Variants in NLRX1 observed in about 807,000 individuals in gnomAD.
The protein encoded by NLRX1 is NLR family member X1.
Under a neutral mutation model 74.2 loss-of-function variants are expected in NLRX1, and 67 were observed. The observed-to-expected ratio is 0.90, with a 90% CI of 0.74 to 1.11. The LOEUF (loss-of-function observed/expected upper bound fraction) is 1.11, where lower values mean the gene tolerates loss of function less well. NLRX1 is among the 50% of genes least tolerant of loss of function. The pLI, the probability that NLRX1 is intolerant of heterozygous loss-of-function variation, is 0.00. For missense variants in NLRX1, 1,191 were observed against 1,305.4 expected, an observed-to-expected ratio of 0.91 and a Z score of 1.35; for synonymous variants, 506 against 559.1, an observed-to-expected ratio of 0.91 and a Z score of 1.34.
intron 1 of NLRX1, among the ~76,000 whole-genome samples, chr11:119,170,638 G>A (rs565987698): frequency 6.6e-6 from 1 of 152,198 alleles, no homozygotes; most frequent in Non-Finnish European, 1.5e-5. Context: ...TTAAAACTCA[G>A]CTAAAAGGAT....
chr11:119,178,290 C>CCTG (rs1266972177), intron 6 of NLRX1, among the ~76,000 whole-genome samples: 1 of 152,180 alleles, frequency 6.6e-6, no homozygotes, highest in African/African-American at 2.4e-5. Context: ...AGAACCATTG[C>CCTG]AGGAATGGGG....
rs574477974 is a variant in NLRX1, at chr11:119,175,185, C to T, written c.1582C>T (p.Arg528Cys). 136 of 1,614,176 alleles carry T rather than the reference C, an allele frequency of 8.4e-5. No homozygotes were observed. In the South Asian group the frequency reaches 1.4e-3, roughly 16 times the overall value. The part of the protein sequence containing the change: ...VGKEVAELVG[R>C]VGEDVSLVLG... ...CAAGGAAGTGGCTGAGCTCGTGGGC[C>T]GTGTTGGGGAGGACGTCAGCCTGGT... Residue 528 changes from arginine (R) to cysteine (C), a missense_variant, in exon 6 of 10, where the codon CGT (arginine) becomes TGT (cysteine). Coordinates refer to ENST00000409109, the MANE Select transcript of NLRX1 (RefSeq NM_001282144.2).
In NLRX1 at chr11:119,173,975, T is replaced by G. The variant is rs1300269170; in HGVS notation, c.726T>G (p.His242Gln). Residue 242 changes from histidine (H) to glutamine (Q), a missense_variant, in exon 5 of 10, where the codon CAT becomes CAG. His to Gln is a conservative substitution (Grantham distance 24, BLOSUM62 0). Transcript: ENST00000409109. The surrounding 1 kb of genome is among the most constrained non-coding windows in gnomAD (Gnocchi z 4.0). ...GGTCCCACCTCCTCTTTGTGCTCCATGGCTTAGAGCATCTCAACCTCGACT... is the reference window on the plus strand; with the variant it reads ...GGTCCCACCTCCTCTTTGTGCTCCAGGGCTTAGAGCATCTCAACCTCGACT... Reference protein sequence around the residue: ...AAGSHLLFVLHGLEHLNLDFR... With the variant: ...AAGSHLLFVLQGLEHLNLDFR... 17 of 1,614,026 alleles carry G rather than the reference T, an allele frequency of 1.1e-5. No individual in the cohort carries two copies. The highest frequency in any genetic ancestry group is 1.3e-5 in the African/African-American group (1 of 74,938).
intron 6 of NLRX1, 31 bp downstream of exon 6, chr11:119,175,305 C>A: frequency 6.3e-7 from 1 of 1,579,634 alleles, no homozygotes; most frequent in Non-Finnish European, 8.6e-7. Context: ...ACCCCCCAAC[C>A]TGCTCCTTCC....
In NLRX1 at chr11:119,174,848, C is replaced by A; in HGVS notation, c.1245C>A (p.Asp415Glu). 1.2e-6 allele frequency: 2 copies of A among 1,614,086 alleles called. No homozygotes were observed. The highest frequency in any genetic ancestry group is 1.7e-6 in the Non-Finnish European group (2 of 1,180,044). ...NFSGETLDST[D>E]PSNLSLMAYA... Reference sequence around the variant, plus strand: ...GCGGGGAAACCCTGGACAGCACTGACCCCTCCAATTTGTCCCTGATGGCCT... The same window carrying A: ...GCGGGGAAACCCTGGACAGCACTGAACCCTCCAATTTGTCCCTGATGGCCT... Residue 415 changes from aspartate to glutamate, a missense_variant, in exon 6 of 10, where the codon GAC (aspartate) becomes GAA (glutamate). Coordinates refer to ENST00000409109, the MANE Select transcript of NLRX1 (RefSeq NM_001282144.2).
At position 119,174,101 on chromosome 11, in the gene NLRX1, G is replaced by T; in HGVS notation, c.849+3G>T. On this transcript the variant is annotated splice_donor_region_variant and intron_variant, in intron 5 of 9. Coordinates refer to ENST00000409109, the MANE Select transcript of NLRX1 (RefSeq NM_001282144.2). ...TGCGCAAATACATGCTGCCTCAGGT[G>T]GGTGGCCCTTTACCCCAGGTTATCA... The T allele has an allele frequency of 1.9e-6, 3 of 1,612,814 alleles. No individual in the cohort carries two copies. Among genetic ancestry groups the T allele is most frequent in the Non-Finnish European group, 2.5e-6 (3 of 1,179,170 alleles).
At chr11:119,182,762 C>G (rs1948872163) in intron 9 of NLRX1, among the ~76,000 whole-genome samples, 2 of 152,002 alleles carry the variant, frequency 1.3e-5, no homozygotes. Context: ...TGGTGCGCAC[C>G]TGTAATCCCA....
intron 1 of NLRX1, among the ~76,000 whole-genome samples, chr11:119,170,427 G>A (rs758995886): frequency 1.3e-5 from 2 of 152,280 alleles, no homozygotes; most frequent in East Asian, 3.9e-4. Flanking sequence ...AATGTAAGGC[G>A]TGGGTGGGAA....
At position 119,173,542 on chromosome 11, in the gene NLRX1, G is replaced by T. The variant is rs548995927; in HGVS notation, c.293G>T (p.Arg98Leu). ...TTCAGCCGGCTGCCCAGGGAGGAGC[G>T]CCAGTTTGGCCCAACCTTTGCCCTA... ...EWFSRLPREERQFGPTFALDT... is the reference protein window; with the variant it reads ...EWFSRLPREELQFGPTFALDT... Residue 98 changes from arginine to leucine, a missense_variant, in exon 5 of 10, where the codon CGC (arginine) becomes CTC (leucine). Coordinates refer to ENST00000409109, the MANE Select transcript of NLRX1 (RefSeq NM_001282144.2). This position sits in a 1 kb window ranked among gnomAD's most constrained non-coding sequence, Gnocchi z 4.0. 1.2e-6 allele frequency: 2 copies of T among 1,614,100 alleles called. No individual in the cohort carries two copies. Among genetic ancestry groups the T allele is most frequent in the African/African-American group, 2.7e-5 (2 of 75,056 alleles).
chr11:119,174,887 C>G lies in NLRX1; in HGVS notation c.1284C>G (p.Thr428=), dbSNP rs1440604118. ...CCCTGATGGCCTATGCAGCCCGAAC[C>G]ATGGGCAAGTTGGCCTATGAGGGGG... ...NLSLMAYAAR[T]MGKLAYEGVS... is the part of the protein sequence containing the mutation. The change falls in exon 6 of 10, where the codon ACC becomes ACG. Residue 428 remains threonine (T), a synonymous_variant. Coordinates refer to ENST00000409109, the MANE Select transcript of NLRX1 (RefSeq NM_001282144.2). 1.9e-6 allele frequency: 3 copies of G among 1,614,088 alleles called. No homozygotes were observed. Among genetic ancestry groups the G allele is most frequent in the East Asian group, 2.2e-5 (1 of 44,886 alleles).
chr11:119,181,022 CAG>C, intron 7 of NLRX1, 147 bp from the exon 8 acceptor site: 1 of 633,630 alleles, frequency 1.6e-6, no homozygotes, highest in Non-Finnish European at 2.9e-6. Context: ...ACCTGGGCAA[CAG>C]AGTGAGACCC....
chr11:119,180,734 G>T (rs1005081751), intron 7 of NLRX1, among the ~76,000 whole-genome samples: 1 of 150,912 alleles, frequency 6.6e-6, no homozygotes, highest in Non-Finnish European at 1.5e-5. Context: ...TTTGGGTGGA[G>T]GTGACAGGAG....
In NLRX1 at chr11:119,173,713, G is replaced by T; in HGVS notation, c.464G>T (p.Cys155Phe). The change falls in exon 5 of 10, where the codon TGT (cysteine) becomes TTT (phenylalanine). Residue 155 changes from cysteine (C) to phenylalanine (F), a missense_variant. Physicochemically the swap from Cys to Phe is radical, Grantham distance 205 (BLOSUM62 -2). Coordinates refer to ENST00000409109, the MANE Select transcript of NLRX1 (RefSeq NM_001282144.2). The surrounding 1 kb of genome is among the most constrained non-coding windows in gnomAD (Gnocchi z 4.0). ...TCTCAGCTCTTTAACCCGGATGCCT[G>T]TGGGCGCCGGGTGCAGACAGTGGTG... Reference protein sequence around the residue: ...ALSQLFNPDACGRRVQTVVLY... With the variant: ...ALSQLFNPDAFGRRVQTVVLY... 1.9e-6 allele frequency: 3 copies of T among 1,613,964 alleles called. No homozygotes were observed. Among genetic ancestry groups the T allele is most frequent in the Non-Finnish European group, 2.5e-6 (3 of 1,179,978 alleles).
In NLRX1 at chr11:119,179,867, G is replaced by A. The variant is rs749887792; in HGVS notation, c.1846G>A (p.Glu616Lys). ...GPRRHPDEPP[E>K]DEVFELFPMF... ...CCGGCGCCACCCAGATGAGCCCCCT[G>A]AGGATGAAGTCTTCGAGCTCTTCCC... The change falls in exon 7 of 10, where the codon GAG becomes AAG. Residue 616 changes from glutamate (E) to lysine (K), a missense_variant. By Grantham distance (56) the Glu-to-Lys change is moderately conservative. Coordinates refer to ENST00000409109, the MANE Select transcript of NLRX1 (RefSeq NM_001282144.2). 3.1e-6 allele frequency: 5 copies of A among 1,614,000 alleles called. No individual in the cohort carries two copies. In the Admixed American group the frequency reaches 5.0e-5, roughly 16 times the overall value.
Position 119,173,704 on chromosome 11 carries a change from C to G in NLRX1, c.455C>G (p.Pro152Arg), listed in dbSNP as rs746685508. ...CTGGCCTTGTCTCAGCTCTTTAACC[C>G]GGATGCCTGTGGGCGCCGGGTGCAG... ...PPLALSQLFNPDACGRRVQTV... is the reference protein window; with the variant it reads ...PPLALSQLFNRDACGRRVQTV... The change falls in exon 5 of 10, where the codon CCG becomes CGG. Residue 152 changes from proline (P) to arginine (R), a missense_variant. Physicochemically the swap from Pro to Arg is moderately radical, Grantham distance 103. Coordinates refer to ENST00000409109, the MANE Select transcript of NLRX1 (RefSeq NM_001282144.2). This position sits in a 1 kb window ranked among gnomAD's most constrained non-coding sequence, Gnocchi z 4.0. 1.9e-6 allele frequency: 3 copies of G among 1,613,882 alleles called. No homozygotes were observed. The African/African-American group carries it at 4.0e-5, about 22-fold the overall frequency.
At chr11:119,178,470 G>A (rs1948750586) in intron 6 of NLRX1, among the ~76,000 whole-genome samples, 2 of 152,162 alleles carry the variant, frequency 1.3e-5, no homozygotes, top group South Asian at 4.1e-4. Flanking sequence ...GCTACTTCCT[G>A]CACAGTTTGA....
In NLRX1 at chr11:119,182,330, C is replaced by A. The variant is rs760728316; in HGVS notation, c.2591C>A (p.Ser864Tyr). The A allele has an allele frequency of 1.9e-6, 3 of 1,612,446 alleles. No homozygotes were observed. The highest frequency in any genetic ancestry group is 2.5e-6 in the Non-Finnish European group (3 of 1,179,858). ...ALARAAREHPSLELLHLYFNE... is the reference protein window; with the variant it reads ...ALARAAREHPYLELLHLYFNE... ...GCCAGAGCTGCCCGGGAGCACCCTT[C>A]CCTGGAACTGCTACAGTGAGTCCTG... The change falls in exon 9 of 10, where the codon TCC becomes TAC. Residue 864 changes from serine (S) to tyrosine (Y), a missense_variant. Transcript: ENST00000409109.
rs1356073826 is a variant in NLRX1 at position 119,174,573 on chromosome 11, C to T, written c.970C>T (p.Leu324Phe). ...CAACCTGCAGAAGCTCTACTTCCAG[C>T]TCCGCCTCAACCAGCCGTACTGCGG... ...DTNLQKLYFQ[L>F]RLNQPYCGYA... is the part of the protein sequence containing the mutation. Residue 324 changes from leucine to phenylalanine, a missense_variant, in exon 6 of 10, where the codon CTC (leucine) becomes TTC (phenylalanine). Physicochemically the swap from Leu to Phe is conservative, Grantham distance 22. Coordinates refer to ENST00000409109, the MANE Select transcript of NLRX1 (RefSeq NM_001282144.2). 6.2e-7 allele frequency: 1 copy of T among 1,614,180 alleles called. No individual in the cohort carries two copies. The highest frequency in any genetic ancestry group is 1.1e-5 in the South Asian group (1 of 91,090).
chr11:119,177,853 C>T (rs752102594), intron 6 of NLRX1: 1 of 152,176 alleles, frequency 6.6e-6, no homozygotes, highest in African/African-American at 2.4e-5. Context: ...CCCTGCACCC[C>T]CAAGCCCTCT....
Sources: gnomAD v4.1 joint callset for allele counts (sites outside exome capture counted in the v4.1 genomes callset) on GRCh38, gnomAD v4.1.1 for gene constraint, Gnocchi (gnomAD v3.1) non-coding constraint, MANE v1.5 for transcripts, NCBI Gene and HGNC (gene_info 2026-07-23, HGNC 2026-07-21) for gene names.